STAM: variants seen among roughly 807,000 people sequenced by gnomAD.
STAM encodes signal transducing adapter molecule 1.
Under a neutral mutation model 63.4 loss-of-function variants are expected in STAM, and 16 were observed. The ratio of observed to expected loss-of-function variants is 0.25; its 90% CI spans 0.17 to 0.38. The LOEUF (loss-of-function observed/expected upper bound fraction) is 0.38. STAM is among the 10% of genes least tolerant of loss of function. The pLI is 1.00. For synonymous variants in STAM, 238 were observed against 223.9 expected, an observed-to-expected ratio of 1.06 and a Z score of -0.56; for missense variants, 636 against 657.1, an observed-to-expected ratio of 0.97 and a Z score of 0.35.
At position 17,714,966 on chromosome 10, in the gene STAM, C is replaced by A. The variant is rs896429872; in HGVS notation, c.*186C>A. 19 of 601,642 alleles carry A rather than the reference C, an allele frequency of 3.2e-5. No homozygotes were observed. The highest frequency in any genetic ancestry group is 1.5e-4 in the Admixed American group (5 of 33,298). The allele number at this position is 601,642 out of a possible 1,614,324, so 37.3% of individuals were successfully genotyped here. ...TGACTTTTTAGAGGTTCTTCCCCCCCCGCCCCTGCAGAGGAATGAAACTAC... is the reference window on the plus strand; with the variant it reads ...TGACTTTTTAGAGGTTCTTCCCCCCACGCCCCTGCAGAGGAATGAAACTAC... On this transcript the variant is annotated 3_prime_UTR_variant, in exon 14 of 14. Transcript: ENST00000377524.
intron 2 of STAM, among the ~76,000 whole-genome samples, chr10:17,680,415 T>C (rs1344823585): frequency 6.9e-6 from 1 of 143,974 alleles, no homozygotes; most frequent in African/African-American, 2.6e-5. Flanking sequence ...TTTTGACTAC[T>C]CTTTTTTTTT....
At chr10:17,686,465 C>G (rs1554826096) in intron 4 of STAM, among the ~76,000 whole-genome samples, 1 of 151,646 alleles carries the variant, frequency 6.6e-6, no homozygotes, top group Non-Finnish European at 1.5e-5. Flanking sequence ...TAGCCTCTGC[C>G]TCCCGGGTTC....
chr10:17,707,733 G>T (rs1371614789), intron 12 of STAM, among the ~76,000 whole-genome samples: 3 of 152,176 alleles, frequency 2.0e-5, no homozygotes, highest in Non-Finnish European at 4.4e-5. Flanking sequence ...TCGTTTAACA[G>T]AAGTGCTAAA....
intron 2 of STAM, among the ~76,000 whole-genome samples, chr10:17,683,156 AT>A (rs1182807658): frequency 6.6e-6 from 1 of 151,768 alleles, no homozygotes; most frequent in Admixed American, 6.6e-5. Context: ...TTATGGTTTT[AT>A]TTTTTTGATT....
chr10:17,661,260 A>C (rs1181666750), intron 2 of STAM, among the ~76,000 whole-genome samples: 1 of 152,214 alleles, frequency 6.6e-6, no homozygotes, highest in Non-Finnish European at 1.5e-5. Flanking sequence ...TTTATGCCAC[A>C]CAAATGGTAT....
chr10:17,653,138 C>A (rs1833802654), intron 1 of STAM, among the ~76,000 whole-genome samples: 1 of 152,112 alleles, frequency 6.6e-6, no homozygotes, highest in Non-Finnish European at 1.5e-5. Context: ...CATAGGACCT[C>A]CTGGGAAGGA....
chr10:17,714,525 G>A lies in STAM; in HGVS notation c.1386-18G>A, dbSNP rs782074362. On this transcript the variant is annotated intron_variant, in intron 13 of 13. Coordinates refer to ENST00000377524, the MANE Select transcript of STAM (RefSeq NM_003473.4). ...TAAATCAGTATTGATGTAATTGAGT[G>A]TTTTTCTTCCTCCACAGTACAATGG... The A allele has an allele frequency of 1.2e-6, 2 of 1,608,726 alleles. No individual in the cohort carries two copies. The highest frequency in any genetic ancestry group is 1.7e-6 in the Non-Finnish European group (2 of 1,175,166).
Position 17,648,588 on chromosome 10 carries a change from G to A in STAM, c.40+4209G>A, listed in dbSNP as rs184881635. Among the ~76,000 whole-genome samples the A allele has an allele frequency of 3.0e-3, 464 of 152,244 alleles. 2 individuals carry two copies. Among genetic ancestry groups the A allele is most frequent in the African/African-American group, 0.011 (449 of 41,554 alleles). Reference sequence around the variant, plus strand: ...CCGTGGCTTCATTCTTGACGTCAGCGAGACCACAAACCCACCAGAGGGAAC... The same window carrying A: ...CCGTGGCTTCATTCTTGACGTCAGCAAGACCACAAACCCACCAGAGGGAAC... On this transcript the variant is annotated intron_variant, in intron 1 of 13. Coordinates refer to ENST00000377524, the MANE Select transcript of STAM (RefSeq NM_003473.4).
intron 2 of STAM, among the ~76,000 whole-genome samples, chr10:17,680,019 TA>T (rs1237079514): frequency 6.6e-6 from 1 of 151,614 alleles, no homozygotes; most frequent in East Asian, 1.9e-4. Context: ...GTTGATCCTT[TA>T]AAAAAAAACT....
intron 1 of STAM, among the ~76,000 whole-genome samples, chr10:17,649,631 T>C (rs1469113231): frequency 2.0e-5 from 3 of 152,194 alleles, no homozygotes; most frequent in African/African-American, 7.2e-5. Context: ...TAATGAATTA[T>C]TGGTGTTTTT....
At chr10:17,696,237 G>T (rs1835750412) in intron 7 of STAM, 1 of 151,506 alleles carries the variant, frequency 6.6e-6, no homozygotes, top group Non-Finnish European at 1.5e-5. Flanking sequence ...CCTTACGTCT[G>T]TTCTTTCAAA....
chr10:17,660,438 T>C, intron 1 of STAM, 26 bp from the exon 2 acceptor site: 1 of 1,471,110 alleles, frequency 6.8e-7, no homozygotes, highest in Non-Finnish European at 9.3e-7. Flanking sequence ...AAATAATGTT[T>C]CTGCAATCCC....
chr10:17,689,450 G>A (rs1225590581), intron 5 of STAM, among the ~76,000 whole-genome samples: 1 of 152,114 alleles, frequency 6.6e-6, no homozygotes, highest in African/African-American at 2.4e-5. Context: ...ATCTGGGAGA[G>A]GAAGGAAGCA....
Position 17,714,989 on chromosome 10 carries a change from T to A in STAM, c.*209T>A. The stretch of plus-strand genomic sequence containing the variant: ...CCCCGCCCCTGCAGAGGAATGAAAC[T>A]ACTTACAACATTTAATTCCTTTCAT... On this transcript the variant is annotated 3_prime_UTR_variant, in exon 14 of 14. Transcript: ENST00000377524. The A allele has an allele frequency of 1.8e-6, 1 of 560,408 alleles. No homozygotes were observed. The highest frequency in any genetic ancestry group is 3.2e-6 in the Non-Finnish European group (1 of 313,034). 34.7% of individuals were successfully genotyped at this position (560,408 alleles called of 1,614,324 possible).
At chr10:17,694,458 A>G (rs1835670462) in intron 6 of STAM, among the ~76,000 whole-genome samples, 1 of 152,164 alleles carries the variant, frequency 6.6e-6, no homozygotes, top group Non-Finnish European at 1.5e-5. Context: ...AAGCAGGATA[A>G]TCAATGCACT....
chr10:17,696,443 A>G (rs187199933), intron 7 of STAM, among the ~76,000 whole-genome samples: 2 of 152,260 alleles, frequency 1.3e-5, no homozygotes, highest in East Asian at 3.9e-4. Flanking sequence ...GCCTGTCTTT[A>G]TAGCTCATTA....
chr10:17,653,984 C>G (rs782280606), intron 1 of STAM, among the ~76,000 whole-genome samples: 3 of 152,174 alleles, frequency 2.0e-5, no homozygotes, highest in Non-Finnish European at 4.4e-5. Context: ...GTAGTGGGAA[C>G]TTCCAGTTTG....
chr10:17,661,863 C>A (rs1362360123), intron 2 of STAM, among the ~76,000 whole-genome samples: 2 of 151,898 alleles, frequency 1.3e-5, no homozygotes, highest in African/African-American at 4.8e-5. Flanking sequence ...TAATGTCCTC[C>A]CACTATGACG....
At chr10:17,707,589 G>T (rs369258609) in intron 12 of STAM, among the ~76,000 whole-genome samples, 1 of 152,062 alleles carries the variant, frequency 6.6e-6, no homozygotes, top group African/African-American at 2.4e-5. Flanking sequence ...CTGCTTTAGA[G>T]TCTTGATCAC....
Sources: gnomAD v4.1 joint callset for allele counts (sites outside exome capture counted in the v4.1 genomes callset) on GRCh38, gnomAD v4.1.1 for gene constraint, MANE v1.5 for transcripts, NCBI Gene and HGNC (gene_info 2026-07-23, HGNC 2026-07-21) for gene names.